The following LAMA2 variants were observed in gnomAD, a reference collection of about 807,000 sequenced individuals.
The protein encoded by LAMA2 is laminin subunit alpha-2.
A neutral mutation model predicts 364.8 loss-of-function variants in LAMA2; 269 were observed. The observed-to-expected ratio is 0.74, with a 90% confidence interval of 0.67 to 0.82. The LOEUF (loss-of-function observed/expected upper bound fraction) is 0.82. LAMA2 is among the 40% of genes least tolerant of loss of function. The probability of loss-of-function intolerance (pLI) is 0.00; values close to 1 mark genes in which losing one functional copy is unlikely to be tolerated. For missense variants in LAMA2, 3,807 were observed against 3,873.2 expected (o/e 0.98, Z 0.45); for synonymous variants, 1,379 against 1,370.6 (o/e 1.01, Z -0.14).
chr6:128,913,746 G>A (rs1489539742), intron 1 of LAMA2, among the ~76,000 whole-genome samples: 1 of 152,130 alleles, frequency 6.6e-6, no homozygotes, highest in Non-Finnish European at 1.5e-5. Flanking sequence ...AATATACCAG[G>A]CATAATCATA....
At chr6:128,896,263 CT>C (rs1242022705) in intron 1 of LAMA2, among the ~76,000 whole-genome samples, 2 of 151,942 alleles carry the variant, frequency 1.3e-5, no homozygotes, top group Admixed American at 6.6e-5. Context: ...AAAAATTAGA[CT>C]GGCTTGGCAT....
intron 49 of LAMA2, among the ~76,000 whole-genome samples, chr6:129,460,702 A>G (rs1783208650): frequency 6.6e-6 from 1 of 151,744 alleles, no homozygotes; most frequent in South Asian, 2.1e-4. Context: ...CTTTCCCCAA[A>G]CTGATTAAGT....
chr6:128,973,429 A>G (rs558389662), intron 1 of LAMA2, among the ~76,000 whole-genome samples: 25 of 152,332 alleles, frequency 1.6e-4, no homozygotes, highest in African/African-American at 5.3e-4. Context: ...AGTTATTTTT[A>G]AAAATAGAAG....
intron 2 of LAMA2, among the ~76,000 whole-genome samples, chr6:129,058,486 G>A (rs557634413): frequency 3.9e-5 from 6 of 152,290 alleles, no homozygotes; most frequent in African/African-American, 1.4e-4. Flanking sequence ...GTGAAAGTAA[G>A]GGAAGATCTG....
chr6:128,962,175 T>C (rs1311714824), intron 1 of LAMA2, among the ~76,000 whole-genome samples: 14 of 123,224 alleles, frequency 1.1e-4, no homozygotes, highest in Non-Finnish European at 1.9e-4. Context: ...TATATATATA[T>C]ATATATATAT....
intron 12 of LAMA2, among the ~76,000 whole-genome samples, chr6:129,209,471 C>T (rs1406185530): frequency 1.3e-5 from 2 of 152,140 alleles, no homozygotes; most frequent in Non-Finnish European, 2.9e-5. Flanking sequence ...AAAATGTTAA[C>T]TATGCAGGGA....
At chr6:129,310,551 G>T (rs111233515) in intron 22 of LAMA2, among the ~76,000 whole-genome samples, 18 of 152,166 alleles carry the variant, frequency 1.2e-4, no homozygotes, top group African/African-American at 4.3e-4. Context: ...CAGACAGAGA[G>T]AGGTGATACC....
chr6:129,222,594 T>G (rs1783937786), intron 12 of LAMA2, among the ~76,000 whole-genome samples: 1 of 150,392 alleles, frequency 6.6e-6, no homozygotes, highest in Admixed American at 6.7e-5. Flanking sequence ...TATGCGATGT[T>G]TAGTTTGTTG....
At position 129,165,576 on chromosome 6, in the gene LAMA2, G is replaced by T; in HGVS notation, c.1207G>T (p.Val403Leu). 6.3e-7 allele frequency: 1 copy of T among 1,598,258 alleles called. No homozygotes were observed. The highest frequency in any genetic ancestry group is 8.6e-7 in the Non-Finnish European group (1 of 1,166,620). ...CTDGFFRPKGVSPNYPRPCQP... is the reference protein window; with the variant it reads ...CTDGFFRPKGLSPNYPRPCQP... ...AAATTCATTTTAATATTTTTGTTAG[G>T]TATCTCCAAATTATCCAAGGCCATG... Residue 403 changes from valine (V) to leucine (L), a missense_variant and splice_region_variant, in exon 9 of 65, where the codon GTA (valine) becomes TTA (leucine). Physicochemically the swap from Val to Leu is conservative, Grantham distance 32. Around this residue, in one of 3 missense-constraint regions of LAMA2, gnomAD observed 80 missense variants for 124.0 expected, o/e 0.65. Transcript: ENST00000421865.
chr6:129,048,551 T>TTC lies in LAMA2; in HGVS notation c.113-1351_113-1350dup, dbSNP rs35969474. Among the ~76,000 whole-genome samples, 303 of 98,882 alleles carry TTC rather than the reference T, an allele frequency of 3.1e-3. 1 individual carries two copies. Among genetic ancestry groups the TTC allele is most frequent in the African/African-American group, 0.014 (287 of 20,214 alleles). 64.9% of individuals were successfully genotyped at this position (98,882 alleles called of 152,430 possible). The stretch of plus-strand genomic sequence containing the variant: ...TTCCTTCCTTCCTTCCTTTCTTTCT[T>TTC]TCTCTCTCTCTCTCTCTTTCTTTCT... On this transcript the variant is annotated intron_variant, in intron 1 of 64. Transcript: ENST00000421865.
intron 10 of LAMA2, among the ~76,000 whole-genome samples, chr6:129,185,119 C>T (rs1781154438): frequency 6.6e-6 from 1 of 151,466 alleles, no homozygotes; most frequent in Admixed American, 6.6e-5. Flanking sequence ...AATTATCACA[C>T]AAAAAAAATA....
chr6:129,310,261 A>C (rs1774136513), intron 22 of LAMA2, among the ~76,000 whole-genome samples: 1 of 152,200 alleles, frequency 6.6e-6, no homozygotes, highest in Admixed American at 6.5e-5. Flanking sequence ...CATGAAAGAC[A>C]ATAGAGGAGG....
At chr6:128,934,357 A>C (rs1430643188) in intron 1 of LAMA2, among the ~76,000 whole-genome samples, 2 of 152,184 alleles carry the variant, frequency 1.3e-5, no homozygotes, top group Non-Finnish European at 2.9e-5. Context: ...GTTTGAAATC[A>C]GGACCCATGG....
intron 1 of LAMA2, among the ~76,000 whole-genome samples, chr6:128,947,191 T>C (rs1780534275): frequency 6.6e-6 from 1 of 152,224 alleles, no homozygotes. Context: ...AACTTTTTAG[T>C]ACAATGTGAA....
At chr6:129,204,033 CTT>C (rs963090293) in intron 12 of LAMA2, among the ~76,000 whole-genome samples, 11 of 152,180 alleles carry the variant, frequency 7.2e-5, no homozygotes, top group Admixed American at 1.3e-4. Context: ...TTAAAAAACA[CTT>C]TGTCACCTGT....
intron 4 of LAMA2, among the ~76,000 whole-genome samples, chr6:129,118,642 T>A (rs1776612518): frequency 1.3e-5 from 2 of 152,218 alleles, no homozygotes; most frequent in Non-Finnish European, 2.9e-5. Flanking sequence ...AAGTTGGAAA[T>A]GAACCTGATA....
chr6:128,973,162 A>G (rs1221206944), intron 1 of LAMA2, among the ~76,000 whole-genome samples: 3 of 152,208 alleles, frequency 2.0e-5, no homozygotes, highest in African/African-American at 4.8e-5. Context: ...ATGTATGGCA[A>G]TCCTAAATCA....
intron 12 of LAMA2, among the ~76,000 whole-genome samples, chr6:129,210,194 A>C (rs1216834871): frequency 6.6e-6 from 1 of 151,970 alleles, no homozygotes; most frequent in South Asian, 2.1e-4. Context: ...ATAGTTCCCT[A>C]GACTTTGACT....
At chr6:128,956,017 T>C (rs1781123357) in intron 1 of LAMA2, among the ~76,000 whole-genome samples, 1 of 151,928 alleles carries the variant, frequency 6.6e-6, no homozygotes, top group South Asian at 2.1e-4. Flanking sequence ...TCAGTAATTC[T>C]TACATTATCA....
Sources: gnomAD v4.1 joint callset for allele counts (sites outside exome capture counted in the v4.1 genomes callset) on GRCh38, gnomAD v4.1.1 for gene constraint, gnomAD v4.1.1 regional missense constraint, MANE v1.5 for transcripts, NCBI Gene and HGNC (gene_info 2026-07-23, HGNC 2026-07-21) for gene names.